The following SLC1A1 variants were observed in gnomAD, a reference collection of about 807,000 sequenced individuals.
The protein encoded by SLC1A1 is excitatory amino acid transporter 3.
A neutral mutation model predicts 53.3 loss-of-function variants in SLC1A1; 43 were observed. The observed-to-expected ratio is 0.81, with a 90% CI of 0.63 to 1.04. The LOEUF (loss-of-function observed/expected upper bound fraction) is 1.04, where lower values mean the gene tolerates loss of function less well. SLC1A1 is among the 50% of genes least tolerant of loss of function. SLC1A1 has a pLI of 0.00. For missense variants in SLC1A1, 748 were observed against 664.9 expected, an observed-to-expected ratio of 1.12 and a Z score of -1.37; for synonymous variants, 307 against 243.2, an observed-to-expected ratio of 1.26 and a Z score of -2.44.
intron 2 of SLC1A1, among the ~76,000 whole-genome samples, chr9:4,548,823 C>T (rs540602797): frequency 3.3e-5 from 5 of 152,092 alleles, no homozygotes; most frequent in Admixed American, 1.3e-4. Context: ...GATATAAACT[C>T]AAGACATTTT....
At chr9:4,501,910 A>C (rs1373979910) in intron 1 of SLC1A1, among the ~76,000 whole-genome samples, 1 of 151,814 alleles carries the variant, frequency 6.6e-6, no homozygotes, top group Non-Finnish European at 1.5e-5. Flanking sequence ...CTCGTTACTA[A>C]TAATTCAGTA....
At chr9:4,500,942 C>T (rs919456160) in intron 1 of SLC1A1, among the ~76,000 whole-genome samples, 2 of 152,110 alleles carry the variant, frequency 1.3e-5, no homozygotes, top group African/African-American at 4.8e-5. Flanking sequence ...CTCCGGGCAG[C>T]GGTTCCCACT....
At chr9:4,580,495 C>G (rs892834622) in intron 10 of SLC1A1, among the ~76,000 whole-genome samples, 1 of 151,148 alleles carries the variant, frequency 6.6e-6, no homozygotes, top group Non-Finnish European at 1.5e-5. Flanking sequence ...GCAAGAAGAT[C>G]GCTTGAGCCC....
chr9:4,491,351 C>T (rs1400487542), intron 1 of SLC1A1, among the ~76,000 whole-genome samples: 1 of 152,202 alleles, frequency 6.6e-6, no homozygotes, highest in Non-Finnish European at 1.5e-5. Context: ...TGCACCCGGG[C>T]TCTGAAAAGC....
intron 2 of SLC1A1, among the ~76,000 whole-genome samples, chr9:4,545,341 T>C (rs1461557261): frequency 6.6e-6 from 1 of 152,184 alleles, no homozygotes; most frequent in African/African-American, 2.4e-5. Flanking sequence ...CAAATCTTCA[T>C]TTGACCAGCA....
At chr9:4,547,707 A>G (rs960570527) in intron 2 of SLC1A1, among the ~76,000 whole-genome samples, 1 of 150,828 alleles carries the variant, frequency 6.6e-6, no homozygotes, top group Non-Finnish European at 1.5e-5. Flanking sequence ...AAGTACAAGG[A>G]TATTCATGGT....
chr9:4,583,270 C>T lies in SLC1A1; in HGVS notation c.1328+98C>T, dbSNP rs1009667279. ...TGTCATCATTCTCTCCTCAGATTGC[C>T]TAATGAGCCACCTGTTGCTGCTTTA... On this transcript the variant is annotated intron_variant, in intron 11 of 11. Coordinates refer to ENST00000262352, the MANE Select transcript of SLC1A1 (RefSeq NM_004170.6). This position sits in a 1 kb window ranked among gnomAD's most constrained non-coding sequence, Gnocchi z 4.6. 4.1e-6 allele frequency: 6 copies of T among 1,459,156 alleles called. No homozygotes were observed. The highest frequency in any genetic ancestry group is 2.3e-5 in the East Asian group (1 of 44,192). The allele number at this position is 1,459,156 out of a possible 1,614,324, so 90.4% of individuals were successfully genotyped here. A position where few individuals can be genotyped will look rare whatever the true frequency, so the allele number is the denominator to read the frequency against.
chr9:4,516,261 C>T (rs897690739), intron 1 of SLC1A1, among the ~76,000 whole-genome samples: 3 of 152,168 alleles, frequency 2.0e-5, no homozygotes, highest in Non-Finnish European at 4.4e-5. Context: ...ATTTGAACAA[C>T]TGAACACAAT....
intron 1 of SLC1A1, among the ~76,000 whole-genome samples, chr9:4,517,344 C>G (rs1296112238): frequency 6.6e-6 from 1 of 152,212 alleles, no homozygotes; most frequent in East Asian, 1.9e-4. Context: ...TATAGACTAG[C>G]TTGTTCTCTT....
intron 1 of SLC1A1, among the ~76,000 whole-genome samples, chr9:4,512,240 C>T (rs1019118247): frequency 1.3e-5 from 2 of 152,046 alleles, no homozygotes; most frequent in Admixed American, 1.3e-4. Flanking sequence ...AGGCAGGGTG[C>T]GGTGGCTCAC....
At chr9:4,551,972 G>T (rs1809541526) in intron 2 of SLC1A1, among the ~76,000 whole-genome samples, 1 of 152,216 alleles carries the variant, frequency 6.6e-6, no homozygotes, top group African/African-American at 2.4e-5. Context: ...GTAATAAAAT[G>T]AATAGTGGCA....
At chr9:4,542,376 A>C (rs1252102250) in intron 1 of SLC1A1, among the ~76,000 whole-genome samples, 1 of 152,186 alleles carries the variant, frequency 6.6e-6, no homozygotes, top group Non-Finnish European at 1.5e-5. Flanking sequence ...AAAATCCTGT[A>C]TCTGGCTAAA....
intron 10 of SLC1A1, among the ~76,000 whole-genome samples, chr9:4,581,125 T>C (rs1821058655): frequency 6.6e-6 from 1 of 152,204 alleles, no homozygotes; most frequent in South Asian, 2.1e-4. Flanking sequence ...GTAACTTGCC[T>C]GAAGAAATGC....
intron 1 of SLC1A1, among the ~76,000 whole-genome samples, chr9:4,499,691 A>C (rs568875121): frequency 6.6e-6 from 1 of 152,234 alleles, no homozygotes; most frequent in Non-Finnish European, 1.5e-5. Flanking sequence ...AATGCCTCCT[A>C]TGAGGAAGAC....
intron 1 of SLC1A1, among the ~76,000 whole-genome samples, chr9:4,524,198 A>G (rs1239049965): frequency 6.6e-6 from 1 of 152,202 alleles, no homozygotes; most frequent in Admixed American, 6.5e-5. Flanking sequence ...ATGTAGCAAG[A>G]TTGTTCCTAT....
intron 1 of SLC1A1, among the ~76,000 whole-genome samples, chr9:4,516,441 C>T (rs536124626): frequency 3.3e-5 from 5 of 152,188 alleles, no homozygotes; most frequent in Middle Eastern, 3.2e-3. Context: ...CTGATTCATA[C>T]TCCCTTTTAC....
rs1268979749 is a variant in SLC1A1, at chr9:4,563,144, G to GAAAA, written c.326-1199_326-1198insAAAA. ...AATAAAAGAAAAAAAAAGAGAGAGAGAGAAAAAAAAAAAAGAAGAATGCCC... is the reference window on the plus strand; with the variant it reads ...AATAAAAGAAAAAAAAAGAGAGAGAGAAAAAGAAAAAAAAAAAAGAAGAATGCCC... On this transcript the variant is annotated intron_variant, in intron 3 of 11. Coordinates refer to ENST00000262352, the MANE Select transcript of SLC1A1 (RefSeq NM_004170.6). 4.2e-5 allele frequency among the ~76,000 whole-genome samples: 6 copies of GAAAA among 143,372 alleles called. 1 individual carries two copies. The highest frequency in any genetic ancestry group is 9.1e-5 in the Non-Finnish European group (6 of 66,278). 94.1% of individuals were successfully genotyped at this position (143,372 alleles called of 152,430 possible).
chr9:4,576,212 G>C, intron 9 of SLC1A1, 89 bp downstream of exon 9: 1 of 1,323,214 alleles, frequency 7.6e-7, no homozygotes. Flanking sequence ...CCAGCTTGCG[G>C]TTTTTGTAGC....
chr9:4,512,874 C>A (rs976134355), intron 1 of SLC1A1, among the ~76,000 whole-genome samples: 2 of 152,086 alleles, frequency 1.3e-5, no homozygotes, highest in Non-Finnish European at 2.9e-5. Context: ...AAGAAGTCCT[C>A]CTGCTTCAGA....
Sources: allele counts gnomAD v4.1 joint callset (sites outside exome capture counted in the v4.1 genomes callset), GRCh38; gene constraint gnomAD v4.1.1; non-coding constraint Gnocchi (gnomAD v3.1); transcripts MANE v1.5; gene names NCBI Gene and HGNC (gene_info 2026-07-23, HGNC 2026-07-21).